The following ASPRV1 variants were observed in gnomAD, a reference collection of about 807,000 sequenced individuals.
ASPRV1 encodes aspartic peptidase retroviral like 1.
ASPRV1 carries 7 observed loss-of-function variants against 11.0 expected under a neutral mutation model. That is an observed-to-expected ratio of 0.64 (90% CI 0.36 to 1.20). The LOEUF (loss-of-function observed/expected upper bound fraction) is 1.20. Ranked by LOEUF, ASPRV1 falls within the 50% of genes most tolerant of loss-of-function variation. The pLI is 0.02. For missense variants in ASPRV1, 299 were observed against 320.0 expected (o/e 0.93, Z 0.50); for synonymous variants, 136 against 138.4 (o/e 0.98, Z 0.12).
the ASPRV1 span, among the ~76,000 whole-genome samples, chr2:70,073,537 C>T: frequency 0.013 from 1,946 of 152,036 alleles, 47 homozygotes; most frequent in African/African-American, 0.045. Context: ...CGATACTTAA[C>T]GATACTTTGT....
chr2:69,936,353 T>C, the ASPRV1 span, among the ~76,000 whole-genome samples: 1 of 152,074 alleles, frequency 6.6e-6, no homozygotes, highest in African/African-American at 2.4e-5. Flanking sequence ...GACTGGGTCT[T>C]TGTGCTCACC....
the ASPRV1 span, among the ~76,000 whole-genome samples, chr2:70,079,752 C>T: frequency 2.6e-5 from 4 of 152,176 alleles, no homozygotes; most frequent in Non-Finnish European, 4.4e-5. Context: ...ATTTTCTAAA[C>T]CTGTTCTTTC....
chr2:70,080,620 C>T, the ASPRV1 span, among the ~76,000 whole-genome samples: 1 of 152,134 alleles, frequency 6.6e-6, no homozygotes, highest in African/African-American at 2.4e-5. Flanking sequence ...AATCTCTGGA[C>T]AGGAAGTATA....
chr2:70,056,579 T>A, the ASPRV1 span: 16 of 98,744 alleles, frequency 1.6e-4, no homozygotes, highest in African/African-American at 6.0e-4. Context: ...CACTCCAGCC[T>A]GGGCGACAGA....
the ASPRV1 span, among the ~76,000 whole-genome samples, chr2:70,044,071 T>G: frequency 6.6e-6 from 1 of 152,152 alleles, no homozygotes; most frequent in Non-Finnish European, 1.5e-5. Context: ...TGCCTTCTCC[T>G]CCCTATCCCT....
chr2:69,994,783 G>T, the ASPRV1 span, among the ~76,000 whole-genome samples: 1 of 151,930 alleles, frequency 6.6e-6, no homozygotes, highest in African/African-American at 2.4e-5. Flanking sequence ...GGATCATGAG[G>T]TCAGGAGATC....
chr2:70,034,600 T>C, the ASPRV1 span, among the ~76,000 whole-genome samples: 1 of 150,998 alleles, frequency 6.6e-6, no homozygotes, highest in South Asian at 2.1e-4. Context: ...GAAAATCAGA[T>C]TTTATTTTGA....
At chr2:70,048,419 GAA>G in the ASPRV1 span, among the ~76,000 whole-genome samples, 1 of 131,182 alleles carries the variant, frequency 7.6e-6, no homozygotes, top group Admixed American at 7.7e-5. Flanking sequence ...TGTCTTAAAA[GAA>G]AAAAAAAAAA....
the ASPRV1 span, among the ~76,000 whole-genome samples, chr2:70,066,883 C>T: frequency 6.6e-6 from 1 of 152,120 alleles, no homozygotes. Flanking sequence ...AGCCACCACG[C>T]CTGGCCCATT....
At chr2:70,045,835 A>G in the ASPRV1 span, 1 of 152,260 alleles carries the variant, frequency 6.6e-6, no homozygotes, top group Non-Finnish European at 1.5e-5. Context: ...AGGTGAGAGA[A>G]TCGCTTAAAC....
At chr2:70,085,904 C>G in the ASPRV1 span, 1 of 152,230 alleles carries the variant, frequency 6.6e-6, no homozygotes, top group African/African-American at 2.4e-5. Flanking sequence ...GCTAGGAAGT[C>G]TAGAAAAGCA....
In ASPRV1 at chr2:69,960,292, T is replaced by C. The variant is rs956269032; in HGVS notation, c.*365A>G. ...CCAACTAAGACAGGCTTTGAGGACC[T>C]GAGAGTGACCAAGCCATACCTCAGG... On this transcript the variant is annotated 3_prime_UTR_variant, in exon 1 of 1. Transcript: ENST00000320256. The C allele has an allele frequency of 1.3e-5, 3 of 224,036 alleles. No homozygotes were observed. The highest frequency in any genetic ancestry group is 4.5e-5 in the African/African-American group (2 of 44,584). The allele number at this position is 224,036 out of a possible 1,614,324, so 13.9% of individuals were successfully genotyped here. A position where few individuals can be genotyped will look rare whatever the true frequency, so the allele number is the denominator to read the frequency against.
chr2:70,015,404 C>A, the ASPRV1 span: 2 of 152,170 alleles, frequency 1.3e-5, no homozygotes, highest in Non-Finnish European at 2.9e-5. Context: ...CACTTATATG[C>A]AGATTTTTTC....
At chr2:69,994,958 C>T in the ASPRV1 span, among the ~76,000 whole-genome samples, 1 of 151,558 alleles carries the variant, frequency 6.6e-6, no homozygotes, top group Non-Finnish European at 1.5e-5. Context: ...GCCGAGATCG[C>T]GCCGCTGCAC....
the ASPRV1 span, among the ~76,000 whole-genome samples, chr2:69,973,779 C>A: frequency 6.6e-6 from 1 of 152,246 alleles, no homozygotes; most frequent in South Asian, 2.1e-4. Context: ...GCAAAACATA[C>A]ATTTAAGTTT....
At chr2:70,014,674 T>TC in the ASPRV1 span, 3 of 150,854 alleles carry the variant, frequency 2.0e-5, no homozygotes, top group Non-Finnish European at 4.4e-5. Flanking sequence ...GTGACATGTG[T>TC]CTATAGTCCC....
the ASPRV1 span, among the ~76,000 whole-genome samples, chr2:70,042,432 G>C: frequency 1.3e-5 from 2 of 152,220 alleles, no homozygotes; most frequent in Non-Finnish European, 1.5e-5. Context: ...GCCAGGGAAA[G>C]TGTGGAAAGT....
chr2:70,022,362 T>TAC, the ASPRV1 span, among the ~76,000 whole-genome samples: 3,231 of 113,594 alleles, frequency 0.028, 36 homozygotes, highest in South Asian at 0.054. Flanking sequence ...CACACACACT[T>TAC]ACACACACAC....
chr2:69,973,855 A>G, the ASPRV1 span, among the ~76,000 whole-genome samples: 1 of 152,228 alleles, frequency 6.6e-6, no homozygotes, highest in Non-Finnish European at 1.5e-5. Flanking sequence ...AATAATGAAT[A>G]AAGCCCTGAT....
Sources: allele counts gnomAD v4.1 joint callset (sites outside exome capture counted in the v4.1 genomes callset), GRCh38; gene constraint gnomAD v4.1.1; transcripts MANE v1.5; gene names NCBI Gene and HGNC (gene_info 2026-07-23, HGNC 2026-07-21).